The following FMN1 variants were observed in gnomAD, a reference collection of about 807,000 sequenced individuals.
FMN1 encodes the protein formin 1, also known as formin-1.
In FMN1, 110 loss-of-function variants were observed where a neutral mutation model predicts 132.4. The ratio of observed to expected loss-of-function variants is 0.83; its 90% CI spans 0.71 to 0.97. The LOEUF is 0.97. FMN1 is among the 50% of genes least tolerant of loss of function. FMN1 has a pLI of 0.00. For missense variants in FMN1, 1,792 were observed against 1,705.3 expected (o/e 1.05, Z -0.90); for synonymous variants, 722 against 651.7 (o/e 1.11, Z -1.64).
intron 7 of FMN1, among the ~76,000 whole-genome samples, chr15:33,007,002 T>C (rs1473654702): frequency 6.6e-6 from 1 of 152,174 alleles, no homozygotes; most frequent in African/African-American, 2.4e-5. Context: ...GTGACTATAG[T>C]TCATAACCAT....
chr15:33,036,710 T>G (rs2036209073), intron 6 of FMN1, among the ~76,000 whole-genome samples: 1 of 152,208 alleles, frequency 6.6e-6, no homozygotes, highest in Non-Finnish European at 1.5e-5. Context: ...AGGGTTATAA[T>G]AAGTATTAAA....
rs2056278801 is a variant in FMN1, at chr15:32,772,431, A to C, written c.*1879T>G. 6.6e-6 allele frequency: 1 copy of C among 152,258 alleles called. No individual in the cohort carries two copies. The highest frequency in any genetic ancestry group is 1.5e-5 in the Non-Finnish European group (1 of 68,052). The allele number at this position is 152,258 out of a possible 1,614,324, so 9.4% of individuals were successfully genotyped here. A position where few individuals can be genotyped will look rare whatever the true frequency, so the allele number is the denominator to read the frequency against. ...TGTGCATGATAACACTAGAAGGAGC[A>C]TACAATGGTTATAAGTGGAATCAGT... On this transcript the variant is annotated 3_prime_UTR_variant, in exon 21 of 21. Coordinates refer to ENST00000616417, the MANE Select transcript of FMN1 (RefSeq NM_001277313.2).
chr15:33,116,273 C>T (rs1209234873), intron 4 of FMN1, among the ~76,000 whole-genome samples: 2 of 152,176 alleles, frequency 1.3e-5, no homozygotes, highest in African/African-American at 4.8e-5. Context: ...GTTTATAAAA[C>T]TCTTTTAAAG....
intron 3 of FMN1, among the ~76,000 whole-genome samples, chr15:33,164,299 G>A (rs748760425): frequency 3.9e-5 from 6 of 152,152 alleles, no homozygotes; most frequent in Non-Finnish European, 8.8e-5. Context: ...TCTTTCCTGT[G>A]AAACTATGAT....
At chr15:32,966,126 G>C (rs2031200975) in intron 8 of FMN1, among the ~76,000 whole-genome samples, 1 of 152,064 alleles carries the variant, frequency 6.6e-6, no homozygotes, top group Admixed American at 6.5e-5. Context: ...GTGATGCAGA[G>C]TGTCAGGCCA....
chr15:33,095,642 C>CG (rs1404893717), intron 4 of FMN1, among the ~76,000 whole-genome samples: 3 of 151,726 alleles, frequency 2.0e-5, no homozygotes, highest in Non-Finnish European at 4.4e-5. Context: ...CAAAGTGTTG[C>CG]GATTACAGGC....
chr15:33,066,472 C>T, intron 5 of FMN1: 1 of 1,422,322 alleles, frequency 7.0e-7, no homozygotes, highest in Middle Eastern at 1.8e-4. Context: ...ACAGCAGCAC[C>T]ATATTTTATG....
intron 5 of FMN1, among the ~76,000 whole-genome samples, chr15:33,079,397 A>T (rs754218682): frequency 2.0e-5 from 3 of 152,170 alleles, no homozygotes; most frequent in African/African-American, 7.2e-5. Flanking sequence ...TGAGGGAGGG[A>T]GGATCACCTG....
chr15:33,067,285 C>A, intron 5 of FMN1: 1 of 1,613,796 alleles, frequency 6.2e-7, no homozygotes, highest in Non-Finnish European at 8.5e-7. Context: ...CTGCACAGAG[C>A]TCTGCACCAT....
intron 7 of FMN1, among the ~76,000 whole-genome samples, chr15:32,978,975 G>A (rs1187005527): frequency 6.6e-6 from 1 of 152,164 alleles, no homozygotes; most frequent in Non-Finnish European, 1.5e-5. Context: ...CAGCTGTTGA[G>A]TTCTTTCTGG....
chr15:32,955,518 G>T (rs1250517777), intron 9 of FMN1, among the ~76,000 whole-genome samples: 1 of 152,006 alleles, frequency 6.6e-6, no homozygotes, highest in Non-Finnish European at 1.5e-5. Flanking sequence ...CCAAGCACAG[G>T]CGCTCAGCCT....
At chr15:33,105,324 T>C (rs922251309) in intron 4 of FMN1, among the ~76,000 whole-genome samples, 1 of 151,884 alleles carries the variant, frequency 6.6e-6, no homozygotes, top group Non-Finnish European at 1.5e-5. Flanking sequence ...AAACGGACAA[T>C]AAAAGGGTAG....
intron 8 of FMN1, among the ~76,000 whole-genome samples, chr15:32,968,387 G>T (rs1027764084): frequency 7.2e-5 from 11 of 152,156 alleles, no homozygotes; most frequent in African/African-American, 2.7e-4. Context: ...AATTCTTTAT[G>T]ATTACTAATC....
intron 5 of FMN1, among the ~76,000 whole-genome samples, chr15:33,077,465 A>G (rs778940738): frequency 6.6e-6 from 1 of 151,662 alleles, no homozygotes; most frequent in Admixed American, 6.6e-5. Context: ...GCTGTACCCA[A>G]TAACTCGTCA....
intron 6 of FMN1, among the ~76,000 whole-genome samples, chr15:33,053,485 T>C (rs1399533033): frequency 1.3e-5 from 2 of 152,146 alleles, no homozygotes; most frequent in Non-Finnish European, 2.9e-5. Flanking sequence ...GGGGTGCCCC[T>C]GCTGCAAGTT....
chr15:33,005,258 G>T (rs1040965909), intron 7 of FMN1, among the ~76,000 whole-genome samples: 17 of 151,768 alleles, frequency 1.1e-4, no homozygotes, highest in Admixed American at 5.9e-4. Context: ...TGGCAATAGT[G>T]AGCCATGGTG....
chr15:33,185,566 G>T (rs1043345559), intron 2 of FMN1, among the ~76,000 whole-genome samples: 3 of 115,286 alleles, frequency 2.6e-5, no homozygotes, highest in South Asian at 2.6e-4. Context: ...AATAAAGTAA[G>T]AATTTTTTTT....
At position 32,900,029 on chromosome 15, in the gene FMN1, C is replaced by T. The variant is rs374358070; in HGVS notation, c.3604G>A (p.Asp1202Asn). ...NGGNRTRGQA[D>N]GYSLEILPKL... is the part of the protein sequence containing the mutation. ...GGCAGAATTTCTAAGCTATATCCAT[C>T]GGCTTGTCCCCGAGTCCTATTTCCT... The change falls in exon 14 of 21, where the codon GAT becomes AAT. Residue 1202 changes from aspartate to asparagine, a missense_variant. Around this residue, in one of 3 missense-constraint regions of FMN1, gnomAD observed 1,150 missense variants for 1,043.1 expected, o/e 1.10. Coordinates refer to ENST00000616417, the MANE Select transcript of FMN1 (RefSeq NM_001277313.2). The T allele has an allele frequency of 1.1e-5, 17 of 1,613,838 alleles. No homozygotes were observed. Among genetic ancestry groups the T allele is most frequent in the African/African-American group, 2.7e-5 (2 of 74,938 alleles).
chr15:32,886,150 C>T (rs989509890), intron 16 of FMN1, among the ~76,000 whole-genome samples: 3 of 152,256 alleles, frequency 2.0e-5, no homozygotes, highest in South Asian at 2.1e-4. Flanking sequence ...AGAGAACCTA[C>T]GGTGTGTATT....
Sources: gnomAD v4.1 joint callset for allele counts (sites outside exome capture counted in the v4.1 genomes callset) on GRCh38, gnomAD v4.1.1 for gene constraint, gnomAD v4.1.1 regional missense constraint, MANE v1.5 for transcripts, NCBI Gene and HGNC (gene_info 2026-07-23, HGNC 2026-07-21) for gene names.